ARL11: variants seen among roughly 807,000 people sequenced by gnomAD.
ARL11 encodes ARF like GTPase 11, also known as ADP-ribosylation factor-like protein 11.
For synonymous variants in ARL11, 91 were observed against 111.2 expected (o/e 0.82, Z 1.15); for missense variants, 239 against 250.6 (o/e 0.95, Z 0.31).
In ARL11 at chr13:49,630,360, C is replaced by T. The variant is rs868745718; in HGVS notation, c.-18-70C>T. The T allele has an allele frequency of 6.3e-5, 71 of 1,118,220 alleles. 1 individual carries two copies. Among genetic ancestry groups the T allele is most frequent in the Middle Eastern group, 5.6e-4 (2 of 3,566 alleles). 69.3% of individuals were successfully genotyped at this position (1,118,220 alleles called of 1,614,324 possible). A position where few individuals can be genotyped will look rare whatever the true frequency, so the allele number is the denominator to read the frequency against. On this transcript the variant is annotated intron_variant, in intron 1 of 1. Transcript: ENST00000282026. ...GTGCTGGGATTACAGGTGTGAGCCA[C>T]TGCACCAGGATGGATTTGTCTTCCT...
chr13:49,630,447 C>T lies in ARL11; in HGVS notation c.-1C>T, dbSNP rs1964869774. On this transcript the variant is annotated 5_prime_UTR_variant, in exon 2 of 2. Coordinates refer to ENST00000282026, the MANE Select transcript of ARL11 (RefSeq NM_138450.6). ...TCCCCTAGGATTCAGCAGTGGCCAC[C>T]ATGGGTTCTGTGAATTCCAGAGGTC... The T allele has an allele frequency of 6.2e-7, 1 of 1,606,764 alleles. No individual in the cohort carries two copies. Among genetic ancestry groups the T allele is most frequent in the Non-Finnish European group, 8.5e-7 (1 of 1,175,154 alleles).
Position 49,630,436 on chromosome 13 carries a change from G to C in ARL11, c.-12G>C, listed in dbSNP as rs781031634. On this transcript the variant is annotated 5_prime_UTR_variant, in exon 2 of 2. Transcript: ENST00000282026. ...CCTGGCCTTTCTCCCCTAGGATTCA[G>C]CAGTGGCCACCATGGGTTCTGTGAA... 1.9e-6 allele frequency: 3 copies of C among 1,597,886 alleles called. No homozygotes were observed. Among genetic ancestry groups the C allele is most frequent in the Non-Finnish European group, 2.6e-6 (3 of 1,169,038 alleles).
rs769184018 is a variant in ARL11, at chr13:49,630,823, G to A, written c.376G>A (p.Ala126Thr). The A allele has an allele frequency of 4.4e-6, 7 of 1,607,236 alleles. No homozygotes were observed. The highest frequency in any genetic ancestry group is 1.7e-5 in the Admixed American group (1 of 59,616). ...PFLVLANKQE[A>T]PDALPLLKIR... ...CTTGGTGCTGGCCAACAAGCAGGAG[G>A]CACCTGATGCACTTCCGCTGCTTAA... is the stretch of plus-strand genomic sequence containing the variant. Residue 126 changes from alanine (A) to threonine (T), a missense_variant, in exon 2 of 2, where the codon GCA becomes ACA. Ala to Thr is a moderately conservative substitution (Grantham distance 58). Transcript: ENST00000282026.
chr13:49,629,282 CAAAACA>C (rs1964856073), intron 1 of ARL11, among the ~76,000 whole-genome samples: 1 of 151,938 alleles, frequency 6.6e-6, no homozygotes. Flanking sequence ...CAAAACAAAA[CAAAACA>C]AAAAAACCCA....
At chr13:49,629,686 C>T (rs1964861524) in intron 1 of ARL11, among the ~76,000 whole-genome samples, 1 of 152,178 alleles carries the variant, frequency 6.6e-6, no homozygotes, top group East Asian at 1.9e-4. Flanking sequence ...GTAGACTAGA[C>T]CATCCACGTT....
intron 1 of ARL11, among the ~76,000 whole-genome samples, chr13:49,628,834 G>A (rs1349586163): frequency 6.6e-6 from 1 of 152,226 alleles, no homozygotes; most frequent in East Asian, 1.9e-4. Flanking sequence ...GCTCACGCCT[G>A]TAATCCCAGC....
chr13:49,630,926 A>G lies in ARL11; in HGVS notation c.479A>G (p.Glu160Gly). The G allele has an allele frequency of 6.2e-7, 1 of 1,601,728 alleles. No individual in the cohort carries two copies. The highest frequency in any genetic ancestry group is 8.5e-7 in the Non-Finnish European group (1 of 1,172,162). The change falls in exon 2 of 2, where the codon GAG (glutamate) becomes GGG (glycine). Residue 160 changes from glutamate to glycine, a missense_variant. Coordinates refer to ENST00000282026, the MANE Select transcript of ARL11 (RefSeq NM_138450.6). ...CGGGGCTGCAGTGCCCTCACTGGGG[A>G]GGGGCTGCCCGAGGCCCTGCAGAGC... is the stretch of plus-strand genomic sequence containing the variant. ...ELRGCSALTG[E>G]GLPEALQSLW...
chr13:49,633,313 ATAAG>A lies in ARL11; in HGVS notation c.*2281_*2284del, dbSNP rs550084670. 1.6e-3 allele frequency: 262 copies of A among 167,264 alleles called. 2 individuals are homozygous for A. In the Middle Eastern group the frequency reaches 0.034, roughly 22 times the overall value. The allele number at this position is 167,264 out of a possible 1,614,324, so 10.4% of individuals were successfully genotyped here. A position where few individuals can be genotyped will look rare whatever the true frequency, so the allele number is the denominator to read the frequency against. ...AAGCATGAAGGGAGGTGTAAGAAAG[ATAAG>A]TAAGTCAGTGTACTTGCAACAGAGG... On this transcript the variant is annotated 3_prime_UTR_variant, in exon 2 of 2. Transcript: ENST00000282026.
rs1964886712 is a variant in ARL11, at chr13:49,631,481, G to C, written c.*443G>C. 5.9e-6 allele frequency: 1 copy of C among 168,358 alleles called. No homozygotes were observed. The highest frequency in any genetic ancestry group is 1.4e-5 in the Non-Finnish European group (1 of 68,990). 10.4% of individuals were successfully genotyped at this position (168,358 alleles called of 1,614,324 possible). A position where few individuals can be genotyped will look rare whatever the true frequency, so the allele number is the denominator to read the frequency against. On this transcript the variant is annotated 3_prime_UTR_variant, in exon 2 of 2. Transcript: ENST00000282026. ...ACTTCATTTAATAGCTCGTTACCAA[G>C]TGTGAATGAAGCAATATGTCATAAT...
At position 49,630,853 on chromosome 13, in the gene ARL11, A is replaced by G; in HGVS notation, c.406A>G (p.Arg136Gly). The G allele has an allele frequency of 6.3e-7, 1 of 1,599,858 alleles. No homozygotes were observed. Among genetic ancestry groups the G allele is most frequent in the Non-Finnish European group, 8.5e-7 (1 of 1,170,792 alleles). ...APDALPLLKI[R>G]NRLSLERFQD... ...TGATGCACTTCCGCTGCTTAAGATCAGAAACAGGCTGAGTCTAGAGAGATT... is the reference window on the plus strand; with the variant it reads ...TGATGCACTTCCGCTGCTTAAGATCGGAAACAGGCTGAGTCTAGAGAGATT... Residue 136 changes from arginine (R) to glycine (G), a missense_variant, in exon 2 of 2, where the codon AGA becomes GGA. Arg to Gly is a moderately radical substitution (Grantham distance 125, BLOSUM62 -2). Coordinates refer to ENST00000282026, the MANE Select transcript of ARL11 (RefSeq NM_138450.6).
Position 49,631,040 on chromosome 13 carries a change from C to G in ARL11, c.*2C>G, listed in dbSNP as rs758452389. The G allele has an allele frequency of 5.8e-6, 9 of 1,553,922 alleles. No homozygotes were observed. The East Asian group carries it at 1.7e-4, about 29-fold the overall frequency. Reference sequence around the variant, plus strand: ...CGCGGAGACAGCAAGAGATCTTGATCCAGACAGAGCAGCATATCTTTGCTC... The same window carrying G: ...CGCGGAGACAGCAAGAGATCTTGATGCAGACAGAGCAGCATATCTTTGCTC... On this transcript the variant is annotated 3_prime_UTR_variant, in exon 2 of 2. Transcript: ENST00000282026.
In ARL11 at chr13:49,633,071, T is replaced by C. The variant is rs947201232; in HGVS notation, c.*2033T>C. 6.0e-6 allele frequency: 1 copy of C among 166,822 alleles called. No homozygotes were observed. 10.3% of individuals were successfully genotyped at this position (166,822 alleles called of 1,614,324 possible). ...GCAAAATATATATATTCCCATTTTA[T>C]AAAACTACAAACTGAGGCTCAGAGA... On this transcript the variant is annotated 3_prime_UTR_variant, in exon 2 of 2. Transcript: ENST00000282026.
At position 49,631,223 on chromosome 13, in the gene ARL11, C is replaced by T; in HGVS notation, c.*185C>T. The T allele has an allele frequency of 1.9e-6, 1 of 538,914 alleles. No homozygotes were observed. Among genetic ancestry groups the T allele is most frequent in the Non-Finnish European group, 3.2e-6 (1 of 308,656 alleles). 33.4% of individuals were successfully genotyped at this position (538,914 alleles called of 1,614,324 possible). A position where few individuals can be genotyped will look rare whatever the true frequency, so the allele number is the denominator to read the frequency against. On this transcript the variant is annotated 3_prime_UTR_variant, in exon 2 of 2. Coordinates refer to ENST00000282026, the MANE Select transcript of ARL11 (RefSeq NM_138450.6). ...GAGCCCAGGAGTTGGAGAGCAACAT[C>T]ACAACACCCCATTTCTACTAATAAT...
Position 49,630,410 on chromosome 13 carries a change from C to A in ARL11, c.-18-20C>A. On this transcript the variant is annotated intron_variant, in intron 1 of 1. Coordinates refer to ENST00000282026, the MANE Select transcript of ARL11 (RefSeq NM_138450.6). ...TTCAGAAGACAGTAGCTGATGTGTG[C>A]CCTGGCCTTTCTCCCCTAGGATTCA... The A allele has an allele frequency of 6.6e-7, 1 of 1,517,116 alleles. No homozygotes were observed. Among genetic ancestry groups the A allele is most frequent in the Non-Finnish European group, 9.0e-7 (1 of 1,106,264 alleles). 94.0% of individuals were successfully genotyped at this position (1,517,116 alleles called of 1,614,324 possible). A position where few individuals can be genotyped will look rare whatever the true frequency, so the allele number is the denominator to read the frequency against.
At position 49,630,790 on chromosome 13, in the gene ARL11, G is replaced by T; in HGVS notation, c.343G>T (p.Val115Phe). 4 of 1,612,880 alleles carry T rather than the reference G, an allele frequency of 2.5e-6. No individual in the cohort carries two copies. The highest frequency in any genetic ancestry group is 3.4e-6 in the Non-Finnish European group (4 of 1,179,122). Residue 115 changes from valine to phenylalanine, a missense_variant, in exon 2 of 2, where the codon GTC (valine) becomes TTC (phenylalanine). By Grantham distance (50) the Val-to-Phe change is conservative. Transcript: ENST00000282026. ...EVLNDPNMAG[V>F]PFLVLANKQE... ...CCTGAACGACCCCAACATGGCTGGC[G>T]TCCCCTTCTTGGTGCTGGCCAACAA...
intron 1 of ARL11, among the ~76,000 whole-genome samples, chr13:49,629,842 G>A (rs1022943973): frequency 3.9e-5 from 6 of 152,174 alleles, no homozygotes; most frequent in South Asian, 2.1e-4. Context: ...AGAGGTCACC[G>A]TGAGCTGAAC....
rs754898740 is a variant in ARL11, at chr13:49,633,522, A to C, written c.*2484A>C. The C allele has an allele frequency of 6.0e-6, 1 of 167,108 alleles. No homozygotes were observed. Among genetic ancestry groups the C allele is most frequent in the Non-Finnish European group, 1.5e-5 (1 of 68,138 alleles). The allele number at this position is 167,108 out of a possible 1,614,324, so 10.4% of individuals were successfully genotyped here. On this transcript the variant is annotated 3_prime_UTR_variant, in exon 2 of 2. Transcript: ENST00000282026. The stretch of plus-strand genomic sequence containing the variant: ...TTTTGTGGTAGTGTGGAGGTGAAAT[A>C]AAGAGAAAAGGGAACCTTGGAGCTG...
intron 1 of ARL11, 186 bp from the exon 2 acceptor site, chr13:49,630,244 A>T: frequency 1.9e-6 from 1 of 532,034 alleles, no homozygotes; most frequent in Admixed American, 3.3e-5. Context: ...TTTAATTTCA[A>T]TTTTTGTAGA....
chr13:49,628,929 A>T (rs1207336861), intron 1 of ARL11, among the ~76,000 whole-genome samples: 1 of 152,208 alleles, frequency 6.6e-6, no homozygotes, highest in Non-Finnish European at 1.5e-5. Context: ...CGTCTCTAAT[A>T]TAAATACAAA....
Sources: allele counts gnomAD v4.1 joint callset (sites outside exome capture counted in the v4.1 genomes callset), GRCh38; gene constraint gnomAD v4.1.1; transcripts MANE v1.5; gene names NCBI Gene and HGNC (gene_info 2026-07-23, HGNC 2026-07-21).